EYS: variants seen among roughly 807,000 people sequenced by gnomAD.
EYS encodes the protein EGF-like photoreceptor maintenance factor, also known as protein eyes shut homolog.
A neutral mutation model predicts 282.1 loss-of-function variants in EYS; 250 were observed. The ratio of observed to expected loss-of-function variants is 0.89; its 90% CI spans 0.80 to 0.98. EYS has a LOEUF of 0.98. Among genes scored for constraint, EYS ranks in the 50% least tolerant of loss-of-function variants. The pLI is 0.00. For synonymous variants in EYS, 1,355 were observed against 1,282.9 expected (o/e 1.06, Z -1.20); for missense variants, 4,016 against 3,709.0 (o/e 1.08, Z -2.15).
At position 64,571,789 on chromosome 6, in the gene EYS, C is replaced by T. The variant is rs1421212932; in HGVS notation, c.5644+18434G>A. On this transcript the variant is annotated intron_variant, in intron 26 of 42. Coordinates refer to ENST00000503581, the MANE Select transcript of EYS (RefSeq NM_001142800.2). ...CTGAAATTGAGGCAGTAATTAATAG[C>T]CTACAACGAAAAAATGCCCAGGATC... 2.6e-5 allele frequency among the ~76,000 whole-genome samples: 4 copies of T among 152,064 alleles called. No homozygotes were observed. In the South Asian group the frequency reaches 8.3e-4, roughly 32 times the overall value.
chr6:64,856,126 A>T (rs1034053972), intron 19 of EYS, among the ~76,000 whole-genome samples: 3 of 152,260 alleles, frequency 2.0e-5, no homozygotes, highest in African/African-American at 7.2e-5. Context: ...GGTAAATACT[A>T]GAGAACATTA....
At chr6:64,324,381 T>C (rs1338814878) in intron 29 of EYS, among the ~76,000 whole-genome samples, 3 of 152,014 alleles carry the variant, frequency 2.0e-5, no homozygotes, top group African/African-American at 4.8e-5. Flanking sequence ...AAAGCAAAAA[T>C]CAAATAATCA....
chr6:64,502,405 T>C (rs1777081083), intron 26 of EYS, among the ~76,000 whole-genome samples: 2 of 152,132 alleles, frequency 1.3e-5, no homozygotes, highest in South Asian at 4.1e-4. Context: ...GTACTTTTAG[T>C]AGAGACGGGG....
intron 2 of EYS, among the ~76,000 whole-genome samples, chr6:65,512,479 C>G (rs113274256): frequency 8.5e-6 from 1 of 117,788 alleles, no homozygotes; most frequent in East Asian, 2.4e-4. Flanking sequence ...GGCGACAGAG[C>G]GAGACTCTAT....
intron 26 of EYS, among the ~76,000 whole-genome samples, chr6:64,531,162 T>C (rs2150531667): frequency 6.6e-6 from 1 of 152,308 alleles, no homozygotes; most frequent in Non-Finnish European, 1.5e-5. Flanking sequence ...AGTGTACCAC[T>C]TTCTTAATAA....
At chr6:64,789,393 C>A (rs760566240) in intron 22 of EYS, among the ~76,000 whole-genome samples, 11 of 152,120 alleles carry the variant, frequency 7.2e-5, no homozygotes, top group Non-Finnish European at 1.3e-4. Context: ...GTGAAGCATG[C>A]ACATACACGT....
intron 8 of EYS, among the ~76,000 whole-genome samples, chr6:65,355,900 A>G (rs1032742492): frequency 3.9e-5 from 6 of 152,136 alleles, no homozygotes; most frequent in African/African-American, 7.2e-5. Context: ...TAGTACAACC[A>G]CTGTGGAAAA....
At chr6:64,598,627 T>A (rs1244847643) in intron 24 of EYS, among the ~76,000 whole-genome samples, 3 of 152,266 alleles carry the variant, frequency 2.0e-5, no homozygotes, top group Non-Finnish European at 4.4e-5. Context: ...TATGGTCATC[T>A]GCTTTCTTGT....
At chr6:63,731,865 G>A (rs951226692) in intron 41 of EYS, among the ~76,000 whole-genome samples, 2 of 152,026 alleles carry the variant, frequency 1.3e-5, no homozygotes, top group African/African-American at 4.8e-5. Context: ...AGGAAATATT[G>A]AACAGAATGA....
intron 11 of EYS, chr6:65,329,289 C>T (rs961006550): frequency 2.5e-6 from 2 of 789,772 alleles, no homozygotes; most frequent in African/African-American, 3.8e-5. Flanking sequence ...TTCAAAAATG[C>T]TTCATTTAAT....
At chr6:64,942,440 T>G (rs1479257866) in intron 15 of EYS, among the ~76,000 whole-genome samples, 1 of 143,618 alleles carries the variant, frequency 7.0e-6, no homozygotes, top group African/African-American at 2.6e-5. Context: ...GTTGGTTTTT[T>G]GAAAGCATAA....
intron 12 of EYS, among the ~76,000 whole-genome samples, chr6:65,235,361 T>C (rs1474884943): frequency 2.0e-5 from 3 of 152,132 alleles, no homozygotes; most frequent in African/African-American, 4.8e-5. Context: ...TATGACACTA[T>C]GAAGAGTTGG....
chr6:64,855,625 T>C (rs1583227058), intron 19 of EYS, among the ~76,000 whole-genome samples: 1 of 152,162 alleles, frequency 6.6e-6, no homozygotes, highest in Non-Finnish European at 1.5e-5. Flanking sequence ...CCAATATTGA[T>C]ACATTATTAA....
chr6:64,877,058 G>T (rs1766770160), intron 19 of EYS, among the ~76,000 whole-genome samples: 1 of 152,160 alleles, frequency 6.6e-6, no homozygotes, highest in South Asian at 2.1e-4. Context: ...GGCAAGAGAT[G>T]ATGGGGGCTT....
chr6:65,224,180 C>T (rs981484023), intron 12 of EYS, among the ~76,000 whole-genome samples: 1 of 151,928 alleles, frequency 6.6e-6, no homozygotes, highest in African/African-American at 2.4e-5. Context: ...CCACAGCAGT[C>T]TCAAAATATT....
intron 31 of EYS, among the ~76,000 whole-genome samples, chr6:64,203,386 G>A (rs1765521991): frequency 6.6e-6 from 1 of 152,188 alleles, no homozygotes; most frequent in Non-Finnish European, 1.5e-5. Context: ...CTTGGATGCA[G>A]GAACCTAGTC....
At chr6:64,508,353 C>T (rs1424672501) in intron 26 of EYS, among the ~76,000 whole-genome samples, 1 of 151,828 alleles carries the variant, frequency 6.6e-6, no homozygotes. Context: ...GTAACTCAAA[C>T]AGTATTTCCC....
At chr6:64,938,579 T>G (rs2150091496) in intron 15 of EYS, among the ~76,000 whole-genome samples, 1 of 151,804 alleles carries the variant, frequency 6.6e-6, no homozygotes, top group African/African-American at 2.4e-5. Flanking sequence ...GAAACTACAC[T>G]TCAAGTACGC....
intron 26 of EYS, among the ~76,000 whole-genome samples, chr6:64,446,991 G>A (rs1006068889): frequency 2.0e-5 from 3 of 149,774 alleles, no homozygotes; most frequent in Non-Finnish European, 3.0e-5. Context: ...GTGTGTGGGG[G>A]GGGGGTGCTC....
Sources: allele counts gnomAD v4.1 joint callset (sites outside exome capture counted in the v4.1 genomes callset), GRCh38; gene constraint gnomAD v4.1.1; transcripts MANE v1.5; gene names NCBI Gene and HGNC (gene_info 2026-07-23, HGNC 2026-07-21).